Variants in CAMK2D observed in about 807,000 individuals in gnomAD.
The protein encoded by CAMK2D is calcium/calmodulin dependent protein kinase II delta.
Under a neutral mutation model 84.0 loss-of-function variants are expected in CAMK2D, and 37 were observed. The observed-to-expected ratio is 0.44, with a 90% CI of 0.34 to 0.58. The LOEUF is 0.58. Among genes scored for constraint, CAMK2D ranks in the 20% least tolerant of loss-of-function variants. The pLI is 0.02. For missense variants in CAMK2D, 448 were observed against 652.5 expected (o/e 0.69, Z 3.41); for synonymous variants, 202 against 212.5 (o/e 0.95, Z 0.43).
chr4:113,602,789 CTGTT>C (rs1209016493), intron 4 of CAMK2D, among the ~76,000 whole-genome samples: 4 of 152,234 alleles, frequency 2.6e-5, no homozygotes, highest in African/African-American at 7.2e-5. Context: ...TAATAAACGT[CTGTT>C]TGTTTGTTTT....
chr4:113,518,076 AT>A (rs1560658950), intron 8 of CAMK2D, among the ~76,000 whole-genome samples: 1 of 152,184 alleles, frequency 6.6e-6, no homozygotes, highest in East Asian at 1.9e-4. Flanking sequence ...TTTGATGGTC[AT>A]TGGGACATTT....
intron 2 of CAMK2D, among the ~76,000 whole-genome samples, chr4:113,697,542 C>T (rs1444232590): frequency 6.6e-6 from 1 of 152,132 alleles, no homozygotes; most frequent in Non-Finnish European, 1.5e-5. Flanking sequence ...AAACGCCTGG[C>T]CTACTATATA....
Position 113,627,817 on chromosome 4 carries a change from T to C in CAMK2D, c.221-18611A>G, listed in dbSNP as rs563334699. 2.6e-5 allele frequency among the ~76,000 whole-genome samples: 4 copies of C among 152,274 alleles called. No individual in the cohort carries two copies. The East Asian group carries it at 7.7e-4, about 29-fold the overall frequency. Reference sequence around the variant, plus strand: ...ATTAGACCTTAGCTGGGTACACACATGCACACAATGTGACTCAAACATCTT... The same window carrying C: ...ATTAGACCTTAGCTGGGTACACACACGCACACAATGTGACTCAAACATCTT... On this transcript the variant is annotated intron_variant, in intron 3 of 20. Transcript: ENST00000511664.
intron 14 of CAMK2D, chr4:113,503,350 T>C: frequency 1.9e-6 from 1 of 518,010 alleles, no homozygotes; most frequent in East Asian, 5.1e-5. Flanking sequence ...CCAAGGACAC[T>C]GGAGCTAAAA....
At chr4:113,464,426 G>GT (rs2097431527) in intron 17 of CAMK2D, among the ~76,000 whole-genome samples, 1 of 152,012 alleles carries the variant, frequency 6.6e-6, no homozygotes, top group African/African-American at 2.4e-5. Flanking sequence ...AAGTATACAC[G>GT]TTTTATCTAT....
At chr4:113,720,313 C>T (rs1347173316) in intron 2 of CAMK2D, among the ~76,000 whole-genome samples, 1 of 151,624 alleles carries the variant, frequency 6.6e-6, no homozygotes, top group African/African-American at 2.4e-5. Context: ...AAAGGTATTT[C>T]CCATCTCTAA....
At chr4:113,696,197 C>CACACAT (rs1311960646) in intron 2 of CAMK2D, among the ~76,000 whole-genome samples, 44 of 2,040 alleles carry the variant, frequency 0.022, no homozygotes, top group African/African-American at 0.029. Context: ...GACACACAGA[C>CACACAT]ACACACACAC....
chr4:113,581,514 A>T (rs1318845272), intron 4 of CAMK2D, among the ~76,000 whole-genome samples: 22 of 84,856 alleles, frequency 2.6e-4, no homozygotes, highest in Non-Finnish European at 3.7e-4. Flanking sequence ...ACTTTCTCAT[A>T]AAAAAAAAAA....
At chr4:113,685,664 T>A (rs1219445454) in intron 2 of CAMK2D, among the ~76,000 whole-genome samples, 1 of 152,124 alleles carries the variant, frequency 6.6e-6, no homozygotes, top group East Asian at 1.9e-4. Context: ...AGTAGAGACA[T>A]TTTAATTTTA....
At chr4:113,512,391 T>C (rs1392306664) in intron 12 of CAMK2D, among the ~76,000 whole-genome samples, 1 of 152,214 alleles carries the variant, frequency 6.6e-6, no homozygotes, top group East Asian at 1.9e-4. Flanking sequence ...AAACTTATTT[T>C]TACCATGGAA....
intron 6 of CAMK2D, among the ~76,000 whole-genome samples, chr4:113,540,444 T>C (rs1302615284): frequency 6.6e-6 from 1 of 152,174 alleles, no homozygotes; most frequent in Non-Finnish European, 1.5e-5. Context: ...TGTAGCTAGC[T>C]GACTATGGAC....
chr4:113,639,234 C>T (rs2099122389), intron 3 of CAMK2D, among the ~76,000 whole-genome samples: 2 of 151,748 alleles, frequency 1.3e-5, no homozygotes, highest in Non-Finnish European at 2.9e-5. Context: ...AGAGAAAAAT[C>T]CTGTCTCTTA....
intron 2 of CAMK2D, among the ~76,000 whole-genome samples, chr4:113,738,194 A>G (rs1489598585): frequency 1.3e-5 from 2 of 151,804 alleles, no homozygotes; most frequent in East Asian, 1.9e-4. Context: ...TGAAGAATCT[A>G]AATATGTTCT....
chr4:113,605,894 C>T (rs1172678045), intron 4 of CAMK2D, among the ~76,000 whole-genome samples: 7 of 151,970 alleles, frequency 4.6e-5, no homozygotes, highest in Admixed American at 3.3e-4. Context: ...TAAAATAATA[C>T]CCCCAAATGT....
At chr4:113,634,949 T>C (rs2189365) in intron 3 of CAMK2D, among the ~76,000 whole-genome samples, 24,676 of 152,106 alleles carry the variant, frequency 0.16, 3,408 homozygotes, top group African/African-American at 0.35. Flanking sequence ...TGTAATTATC[T>C]TCACAAAATA....
At chr4:113,627,136 G>GA (rs376792797) in intron 3 of CAMK2D, among the ~76,000 whole-genome samples, 57 of 151,930 alleles carry the variant, frequency 3.8e-4, no homozygotes, top group Middle Eastern at 3.4e-3. Flanking sequence ...TCTTTGAAGT[G>GA]AAAAAAAGCA....
chr4:113,556,963 A>G (rs1395532902), intron 4 of CAMK2D, among the ~76,000 whole-genome samples: 1 of 152,164 alleles, frequency 6.6e-6, no homozygotes, highest in African/African-American at 2.4e-5. Flanking sequence ...GAATGAAACT[A>G]TAAGCACCAC....
intron 2 of CAMK2D, among the ~76,000 whole-genome samples, chr4:113,676,866 C>T (rs905715687): frequency 3.3e-5 from 5 of 152,206 alleles, no homozygotes; most frequent in Admixed American, 6.6e-5. Context: ...AACTGATTCA[C>T]TCTAATTGTT....
chr4:113,596,616 T>C (rs1470743517), intron 4 of CAMK2D, among the ~76,000 whole-genome samples: 1 of 152,146 alleles, frequency 6.6e-6, no homozygotes, highest in East Asian at 1.9e-4. Flanking sequence ...CCGTCAGAGC[T>C]CTTGGGCAAC....
Sources: allele counts gnomAD v4.1 joint callset (sites outside exome capture counted in the v4.1 genomes callset), GRCh38; gene constraint gnomAD v4.1.1; transcripts MANE v1.5; gene names NCBI Gene and HGNC (gene_info 2026-07-23, HGNC 2026-07-21).